The following HEATR5B variants were observed in gnomAD, a reference collection of about 807,000 sequenced individuals.
HEATR5B encodes HEAT repeat-containing protein 5B.
HEATR5B carries 156 observed loss-of-function variants against 224.1 expected under a neutral mutation model. That is an observed-to-expected ratio of 0.70 (90% CI 0.61 to 0.80). HEATR5B has a LOEUF of 0.80. Ranked by LOEUF, HEATR5B falls within the 30% of genes least tolerant of loss-of-function variation. HEATR5B has a pLI of 0.00. For missense variants in HEATR5B, 2,323 were observed against 2,535.5 expected (o/e 0.92, Z 1.80); for synonymous variants, 1,027 against 893.0 (o/e 1.15, Z -2.68).
At chr2:37,069,023 T>A (rs1013885804) in intron 7 of HEATR5B, 93 bp from the exon 8 acceptor site, 3 of 1,275,876 alleles carry the variant, frequency 2.4e-6, no homozygotes, top group Non-Finnish European at 3.2e-6. Context: ...GATAACAGCA[T>A]GCTGAATGAA....
intron 29 of HEATR5B, 149 bp downstream of exon 29, chr2:37,006,901 T>C (rs1667459251): frequency 1.6e-6 from 1 of 642,224 alleles, no homozygotes; most frequent in African/African-American, 1.8e-5. Flanking sequence ...AAAATTCAAT[T>C]AACAATTTAT....
intron 35 of HEATR5B, among the ~76,000 whole-genome samples, chr2:36,986,643 A>C (rs1209371563): frequency 1.3e-5 from 2 of 152,066 alleles, no homozygotes; most frequent in Non-Finnish European, 2.9e-5. Flanking sequence ...TTTGAGATGG[A>C]GTCTCGCTCT....
At position 36,993,205 on chromosome 2, in the gene HEATR5B, T is replaced by C. The variant is rs59956837; in HGVS notation, c.5546-2406A>G. ...GTGCTCAAGAAATAATGGGGCCACA[T>C]TGAAGTAACAGTAAGGGACCCACTG... On this transcript the variant is annotated intron_variant, in intron 33 of 35. Transcript: ENST00000233099. Among the ~76,000 whole-genome samples the C allele has an allele frequency of 7.4e-3, 1,131 of 151,940 alleles. 17 individuals carry two copies. Among genetic ancestry groups the C allele is most frequent in the African/African-American group, 0.025 (1,042 of 41,412 alleles).
chr2:37,010,397 A>C (rs967563661), intron 27 of HEATR5B, among the ~76,000 whole-genome samples: 1 of 152,172 alleles, frequency 6.6e-6, no homozygotes, highest in Non-Finnish European at 1.5e-5. Flanking sequence ...CAGCACAGAG[A>C]AAATATACAG....
chr2:36,997,169 T>A (rs571180580), intron 33 of HEATR5B, among the ~76,000 whole-genome samples: 1 of 152,110 alleles, frequency 6.6e-6, no homozygotes, highest in Non-Finnish European at 1.5e-5. Context: ...TTTTGATGGG[T>A]AGAAGTTAAT....
chr2:37,070,971 A>T (rs1237043589), intron 6 of HEATR5B, among the ~76,000 whole-genome samples: 1 of 152,246 alleles, frequency 6.6e-6, no homozygotes, highest in Non-Finnish European at 1.5e-5. Context: ...TCCGACACAG[A>T]ACAGTTTTTA....
In HEATR5B at chr2:37,029,679, G is replaced by A. The variant is rs150429709; in HGVS notation, c.3362-759C>T. On this transcript the variant is annotated intron_variant, in intron 22 of 35. Coordinates refer to ENST00000233099, the MANE Select transcript of HEATR5B (RefSeq NM_019024.3). Reference sequence around the variant, plus strand: ...AACTCCACTGGGCACAGTGGCTCATGCCTGTAATCCCAGCACATTGGGGGG... The same window carrying A: ...AACTCCACTGGGCACAGTGGCTCATACCTGTAATCCCAGCACATTGGGGGG... 7.2e-5 allele frequency among the ~76,000 whole-genome samples: 11 copies of A among 152,016 alleles called. No individual in the cohort carries two copies. The East Asian group carries it at 2.1e-3, about 30-fold the overall frequency.
rs1266119682 is a variant in HEATR5B at position 37,068,925 on chromosome 2, A to G, written c.933T>C (p.Tyr311=). 6 of 1,610,406 alleles carry G rather than the reference A, an allele frequency of 3.7e-6. No homozygotes were observed. Among genetic ancestry groups the G allele is most frequent in the Non-Finnish European group, 5.1e-6 (6 of 1,177,042 alleles). ...REVRVGVTQA[Y]VVFVTTLGGQ... The stretch of plus-strand genomic sequence containing the variant: ...CACCCAATGTTGTCACAAAAACAAC[A>G]TACGCCTGTAAAAAGAGGAAGGTAC... The change falls in exon 8 of 36, where the codon TAT becomes TAC. Residue 311 remains tyrosine, a synonymous_variant. Transcript: ENST00000233099.
chr2:37,020,769 G>A lies in HEATR5B; in HGVS notation c.3921C>T (p.Ser1307=). The change falls in exon 25 of 36, where the codon AGC becomes AGT. Residue 1307 remains serine, a synonymous_variant. Transcript: ENST00000233099. The stretch of plus-strand genomic sequence containing the variant: ...GGAGCCCAGCCATTCGCAGCTGGTT[G>A]CTATGATCAGTTGCAGCCATGAATG... ...RMAFMAATDH[S]NQLRMAGLQA... is the part of the protein sequence containing the mutation. 1 of 1,609,234 alleles carries A rather than the reference G, an allele frequency of 6.2e-7. No homozygotes were observed. Among genetic ancestry groups the A allele is most frequent in the Non-Finnish European group, 8.5e-7 (1 of 1,178,978 alleles).
At chr2:37,024,561 ATTATG>A (rs1417208420) in intron 24 of HEATR5B, among the ~76,000 whole-genome samples, 5 of 152,206 alleles carry the variant, frequency 3.3e-5, no homozygotes, top group Admixed American at 2.0e-4. Context: ...AAAGATGGTA[ATTATG>A]TTATATGTAT....
intron 34 of HEATR5B, among the ~76,000 whole-genome samples, chr2:36,989,861 A>G (rs1666200865): frequency 6.7e-6 from 1 of 149,408 alleles, no homozygotes; most frequent in African/African-American, 2.5e-5. Context: ...CTGGAGACTC[A>G]GATTCAGGAA....
chr2:37,038,317 T>C (rs1459759578), intron 20 of HEATR5B, among the ~76,000 whole-genome samples: 1 of 152,006 alleles, frequency 6.6e-6, no homozygotes, highest in Non-Finnish European at 1.5e-5. Flanking sequence ...TTTTTGTACT[T>C]TTAGTAGAGA....
chr2:37,041,646 T>G (rs1309704212), intron 18 of HEATR5B, among the ~76,000 whole-genome samples: 1 of 152,108 alleles, frequency 6.6e-6, no homozygotes, highest in Non-Finnish European at 1.5e-5. Context: ...GTAGGGAGGC[T>G]GAAGTGAGAG....
At chr2:37,062,080 A>G (rs762733875) in intron 10 of HEATR5B, 30 bp from the exon 11 acceptor site, 2 of 1,276,262 alleles carry the variant, frequency 1.6e-6, no homozygotes, top group Admixed American at 3.4e-5. Context: ...TTGGATTTTA[A>G]TTCAAACAAG....
chr2:37,013,913 T>A lies in HEATR5B; in HGVS notation c.4212A>T (p.Gly1404=), dbSNP rs1475731763. The A allele has an allele frequency of 1.2e-6, 2 of 1,613,050 alleles. No individual in the cohort carries two copies. Among genetic ancestry groups the A allele is most frequent in the Admixed American group, 3.3e-5 (2 of 59,904 alleles). The change falls in exon 27 of 36, where the codon GGA becomes GGT. Residue 1404 remains glycine, a synonymous_variant. Coordinates refer to ENST00000233099, the MANE Select transcript of HEATR5B (RefSeq NM_019024.3). ...SSLDKVQAGK[G]SSSQLYRESA... ...TCTCTCGGTACAGCTGGCTGGAAGA[T>A]CCTTTTCCAGCCTGAACTTTGTCCA...
intron 24 of HEATR5B, among the ~76,000 whole-genome samples, chr2:37,027,013 G>A (rs1357140257): frequency 1.3e-5 from 2 of 152,146 alleles, no homozygotes; most frequent in African/African-American, 2.4e-5. Context: ...TGGCCAGGCT[G>A]GTTTTGAACT....
At chr2:37,029,039 T>G in intron 22 of HEATR5B, 119 bp from the exon 23 acceptor site, 5 of 909,792 alleles carry the variant, frequency 5.5e-6, no homozygotes, top group Non-Finnish European at 8.3e-6. Context: ...ACCAGCTAGC[T>G]ATATACAATT....
At chr2:37,069,609 G>A (rs905729303) in intron 7 of HEATR5B, among the ~76,000 whole-genome samples, 10 of 152,080 alleles carry the variant, frequency 6.6e-5, no homozygotes, top group African/African-American at 2.4e-4. Context: ...CAAGCTACCT[G>A]AATACAGTTT....
intron 2 of HEATR5B, among the ~76,000 whole-genome samples, chr2:37,081,579 G>A (rs753317488): frequency 6.6e-6 from 1 of 152,130 alleles, no homozygotes; most frequent in African/African-American, 2.4e-5. Context: ...GCTTTTGGAG[G>A]TGGGAGTGAA....
Sources: gnomAD v4.1 joint callset for allele counts (sites outside exome capture counted in the v4.1 genomes callset) on GRCh38, gnomAD v4.1.1 for gene constraint, MANE v1.5 for transcripts, NCBI Gene and HGNC (gene_info 2026-07-23, HGNC 2026-07-21) for gene names.